The following ZNF35 variants were observed in gnomAD, a reference collection of about 807,000 sequenced individuals.
ZNF35 encodes the protein zinc finger protein 35.
ZNF35 carries 31 observed loss-of-function variants against 45.9 expected under a neutral mutation model. That is an observed-to-expected ratio of 0.68 (90% CI 0.51 to 0.91). The LOEUF (loss-of-function observed/expected upper bound fraction) is 0.91. ZNF35 is among the 40% of genes least tolerant of loss of function. The probability of loss-of-function intolerance (pLI) is 0.00; values close to 1 mark genes in which losing one functional copy is unlikely to be tolerated. For missense variants in ZNF35, 515 were observed against 625.4 expected (o/e 0.82, Z 1.88); for synonymous variants, 205 against 220.2 (o/e 0.93, Z 0.61).
chr3:44,656,802 A>T (rs1703317192), intron 3 of ZNF35, among the ~76,000 whole-genome samples: 1 of 149,610 alleles, frequency 6.7e-6, no homozygotes, highest in South Asian at 2.1e-4. Flanking sequence ...AGTTCAAGTG[A>T]TTATCCTGTC....
intron 3 of ZNF35, among the ~76,000 whole-genome samples, chr3:44,658,394 G>A (rs1235774917): frequency 1.3e-5 from 2 of 152,220 alleles, no homozygotes; most frequent in Non-Finnish European, 2.9e-5. Context: ...CAGCCAGCAG[G>A]AGCACTGTCT....
Position 44,653,783 on chromosome 3 carries a change from A to ATT in ZNF35, c.337+1083_337+1084insTT, listed in dbSNP as rs1179407574. On this transcript the variant is annotated intron_variant, in intron 3 of 3. Transcript: ENST00000396056. ...AGAAGCTTGCCTGTGGAGGAGTGACATATAAGTGAGGGTCAAGAATGCAGT... is the reference window on the plus strand; with the variant it reads ...AGAAGCTTGCCTGTGGAGGAGTGACATTTATAAGTGAGGGTCAAGAATGCAGT... 2.0e-5 allele frequency among the ~76,000 whole-genome samples: 3 copies of ATT among 152,328 alleles called. 1 individual carries two copies. Among genetic ancestry groups the ATT allele is most frequent in the African/African-American group, 7.2e-5 (3 of 41,576 alleles).
At chr3:44,652,513 C>T in intron 2 of ZNF35, 44 bp from the exon 3 acceptor site, 1 of 1,481,212 alleles carries the variant, frequency 6.8e-7, no homozygotes, top group South Asian at 1.4e-5. Flanking sequence ...CACACTACCC[C>T]CTACCACCAG....
chr3:44,648,213 A>C (rs961153089), upstream of ZNF35: 2 of 152,070 alleles, frequency 1.3e-5, no homozygotes. Flanking sequence ...ATTTTTGTTG[A>C]TTTTCTTACC....
chr3:44,658,871 G>C lies in ZNF35; in HGVS notation c.508G>C (p.Glu170Gln), dbSNP rs901672719. The change falls in exon 4 of 4, where the codon GAA becomes CAA. Residue 170 changes from glutamate to glutamine, a missense_variant. By Grantham distance (29) the Glu-to-Gln change is conservative. This residue lies in a region of ZNF35 where 275 missense variants were observed against 295.7 expected (regional missense o/e 0.93). Coordinates refer to ENST00000396056, the MANE Select transcript of ZNF35 (RefSeq NM_003420.4). ...NMLKRQRIKR[E>Q]KKDFRQVIVN... ...GTTAAAGAGGCAGAGAATAAAGAGA[G>C]AAAAGAAAGATTTCAGACAAGTGAT... The C allele has an allele frequency of 1.2e-6, 2 of 1,612,510 alleles. No homozygotes were observed. The highest frequency in any genetic ancestry group is 2.7e-5 in the African/African-American group (2 of 74,708).
chr3:44,653,883 A>G (rs1230496035), intron 3 of ZNF35, among the ~76,000 whole-genome samples: 1 of 152,138 alleles, frequency 6.6e-6, no homozygotes, highest in East Asian at 1.9e-4. Context: ...TCTGCCAGAT[A>G]TTGAATATTT....
At chr3:44,650,078 G>A (rs1325321658) in intron 1 of ZNF35, among the ~76,000 whole-genome samples, 1 of 152,020 alleles carries the variant, frequency 6.6e-6, no homozygotes, top group East Asian at 1.9e-4. Context: ...TTGTGTGTGT[G>A]TGTGTGTGTG....
chr3:44,652,942 A>G (rs1267835505), intron 3 of ZNF35, among the ~76,000 whole-genome samples: 2 of 152,148 alleles, frequency 1.3e-5, no homozygotes, highest in African/African-American at 4.8e-5. Context: ...CCTGATCAAC[A>G]CCAATATGGT....
intron 3 of ZNF35, 33 bp from the exon 4 acceptor site, chr3:44,658,668 G>A (rs776850389): frequency 4.6e-6 from 7 of 1,529,074 alleles, no homozygotes; most frequent in Non-Finnish European, 6.1e-6. Flanking sequence ...GCCAGAGAAA[G>A]CTAACATTTG....
In ZNF35 at chr3:44,659,090, AT is replaced by A; in HGVS notation, c.728del (p.Ile243ThrfsTer51). The A allele has an allele frequency of 1.2e-6, 2 of 1,614,210 alleles. No homozygotes were observed. The highest frequency in any genetic ancestry group is 2.2e-5 in the South Asian group (2 of 91,070). On this transcript the variant is annotated frameshift_variant, in exon 4 of 4. Transcript: ENST00000396056. LOFTEE classifies it high-confidence loss of function. The surrounding 1 kb of genome is among the most constrained non-coding windows in gnomAD (Gnocchi z 4.3). ...QSANLVVHQR[I>X]HTGEKPFECH... The stretch of plus-strand genomic sequence containing the variant: ...TGCAAACCTCGTTGTGCATCAGCGA[AT>A]CCACACTGGAGAGAAACCCTTTGAA...
At position 44,659,702 on chromosome 3, in the gene ZNF35, G is replaced by A. The variant is rs1204489486; in HGVS notation, c.1339G>A (p.Val447Met). 39 of 1,613,924 alleles carry A rather than the reference G, an allele frequency of 2.4e-5. No individual in the cohort carries two copies. Among genetic ancestry groups the A allele is most frequent in the Non-Finnish European group, 3.0e-5 (35 of 1,179,996 alleles). The change falls in exon 4 of 4, where the codon GTG becomes ATG. Residue 447 changes from valine to methionine, a missense_variant. Val to Met is a conservative substitution (Grantham distance 21, BLOSUM62 1). Transcript: ENST00000396056. The surrounding 1 kb of genome is among the most constrained non-coding windows in gnomAD (Gnocchi z 4.3). ...AATTCACAGTGGAGATCTTCCTTACGTGTGTAATGAATGTGGGAAGGCCTT... is the reference window on the plus strand; with the variant it reads ...AATTCACAGTGGAGATCTTCCTTACATGTGTAATGAATGTGGGAAGGCCTT... ...QRIHSGDLPY[V>M]CNECGKAFTC...
At chr3:44,648,020 A>G (rs1703059725), upstream of ZNF35, 1 of 152,204 alleles carries the variant, frequency 6.6e-6, no homozygotes, top group African/African-American at 2.4e-5. Flanking sequence ...TATCTTTGCA[A>G]CTTCCTGTGA....
At chr3:44,657,913 A>G (rs1703337555) in intron 3 of ZNF35, among the ~76,000 whole-genome samples, 1 of 152,210 alleles carries the variant, frequency 6.6e-6, no homozygotes, top group African/African-American at 2.4e-5. Context: ...ATATCTGAGT[A>G]GTTGACATAG....
Position 44,651,075 on chromosome 3 carries a change from CAGAATTGAG to C in ZNF35, c.13_21del (p.Leu5_Glu7del), listed in dbSNP as rs555729862. On this transcript the variant is annotated inframe_deletion, in exon 2 of 4. Coordinates refer to ENST00000396056, the MANE Select transcript of ZNF35 (RefSeq NM_003420.4). The stretch of plus-strand genomic sequence containing the variant: ...CCCTGCTGAGCAGAGAAGATGACTG[CAGAATTGAG>C]AGAAGCCATGGCCCTAGCCCCATGG... The C allele has an allele frequency of 4.1e-5, 66 of 1,613,418 alleles. No homozygotes were observed. In the Admixed American group the frequency reaches 9.3e-4, roughly 23 times the overall value.
intron 3 of ZNF35, among the ~76,000 whole-genome samples, chr3:44,656,618 C>T (rs1476160982): frequency 6.6e-6 from 1 of 151,536 alleles, no homozygotes; most frequent in Non-Finnish European, 1.5e-5. Flanking sequence ...GTCTCGAACT[C>T]CTGACCTCAG....
rs968778433 is a variant in ZNF35, at chr3:44,659,718, G to A, written c.1355G>A (p.Gly452Glu). The A allele has an allele frequency of 6.2e-7, 1 of 1,613,872 alleles. No individual in the cohort carries two copies. Among genetic ancestry groups the A allele is most frequent in the South Asian group, 1.1e-5 (1 of 91,056 alleles). ...CTTCCTTACGTGTGTAATGAATGTG[G>A]GAAGGCCTTCACATGTAGCTCATAC... ...GDLPYVCNEC[G>E]KAFTCSSYLL... The change falls in exon 4 of 4, where the codon GGG (glycine) becomes GAG (glutamate). Residue 452 changes from glycine (G) to glutamate (E), a missense_variant. Gly to Glu is a moderately conservative substitution (Grantham distance 98). Transcript: ENST00000396056. This position sits in a 1 kb window ranked among gnomAD's most constrained non-coding sequence, Gnocchi z 4.3.
At position 44,652,635 on chromosome 3, in the gene ZNF35, T is replaced by A; in HGVS notation, c.271T>A (p.Tyr91Asn). 1 of 1,611,020 alleles carries A rather than the reference T, an allele frequency of 6.2e-7. No homozygotes were observed. Among genetic ancestry groups the A allele is most frequent in the Non-Finnish European group, 8.5e-7 (1 of 1,178,768 alleles). The change falls in exon 3 of 4, where the codon TAC (tyrosine) becomes AAC (asparagine). Residue 91 changes from tyrosine (Y) to asparagine (N), a missense_variant. Around this residue, in one of 3 missense-constraint regions of ZNF35, gnomAD observed 275 missense variants for 295.7 expected, o/e 0.93. Coordinates refer to ENST00000396056, the MANE Select transcript of ZNF35 (RefSeq NM_003420.4). ...ACCTGCTGCTTCAACCCTTGGCAGC[T>A]ACTCATTACCAGGGACTCTGGCCAA... ...EAPAASTLGSYSLPGTLAKSE... is the reference protein window; with the variant it reads ...EAPAASTLGSNSLPGTLAKSE...
rs1161894878 is a variant in ZNF35, at chr3:44,659,467, C to A, written c.1104C>A (p.Gly368=). The A allele has an allele frequency of 6.2e-6, 10 of 1,611,700 alleles. No homozygotes were observed. In the African/African-American group the frequency reaches 1.1e-4, roughly 17 times the overall value. Residue 368 remains glycine, a synonymous_variant, in exon 4 of 4, where the codon GGC becomes GGA. Coordinates refer to ENST00000396056, the MANE Select transcript of ZNF35 (RefSeq NM_003420.4). The surrounding 1 kb of genome is among the most constrained non-coding windows in gnomAD (Gnocchi z 4.3). The part of the protein sequence containing the change: ...GEKPFACNDC[G]KAFTQSANLI... ...AGCCCTTTGCCTGTAACGACTGTGGCAAAGCCTTTACCCAGAGTGCAAATC... is the reference window on the plus strand; with the variant it reads ...AGCCCTTTGCCTGTAACGACTGTGGAAAAGCCTTTACCCAGAGTGCAAATC...
chr3:44,647,283 T>C (rs1171951583), upstream of ZNF35: 2 of 148,574 alleles, frequency 1.3e-5, no homozygotes, highest in East Asian at 3.9e-4. Flanking sequence ...TCAGAATAGC[T>C]TAACTTTTTT....
Sources: allele counts gnomAD v4.1 joint callset (sites outside exome capture counted in the v4.1 genomes callset), GRCh38; gene constraint gnomAD v4.1.1; regional missense constraint gnomAD v4.1.1; non-coding constraint Gnocchi (gnomAD v3.1); transcripts MANE v1.5; gene names NCBI Gene and HGNC (gene_info 2026-07-23, HGNC 2026-07-21).